The following CMC1 variants were observed in gnomAD, a reference collection of about 807,000 sequenced individuals.
CMC1 encodes the protein COX assembly mitochondrial protein homolog.
In CMC1, 14 loss-of-function variants were observed where a neutral mutation model predicts 14.1. The observed-to-expected ratio is 0.99, with a 90% CI of 0.66 to 1.55. The LOEUF is 1.55. Among genes scored for constraint, CMC1 ranks in the 40% most tolerant of loss-of-function variants. The probability of loss-of-function intolerance (pLI) is 0.00; values close to 1 mark genes in which losing one functional copy is unlikely to be tolerated. For missense variants in CMC1, 127 were observed against 123.8 expected, an observed-to-expected ratio of 1.03 and a Z score of -0.12; for synonymous variants, 50 against 38.4, an observed-to-expected ratio of 1.30 and a Z score of -1.12.
At position 28,305,795 on chromosome 3, in the gene CMC1, T is replaced by C. The variant is rs1347219035; in HGVS notation, c.110-10538T>C. Among the ~76,000 whole-genome samples the C allele has an allele frequency of 8.4e-5, 12 of 143,190 alleles. No homozygotes were observed. The South Asian group carries it at 2.5e-3, about 29-fold the overall frequency. The allele number at this position is 143,190 out of a possible 152,430, so 93.9% of individuals were successfully genotyped here. A position where few individuals can be genotyped will look rare whatever the true frequency, so the allele number is the denominator to read the frequency against. ...TTCATAGGAATTTTTTTTTTTTTTT[T>C]TTTTTTTTTTTTTTTAGTTTGAGGT... On this transcript the variant is annotated intron_variant, in intron 2 of 3. Transcript: ENST00000466830.
intron 2 of CMC1, among the ~76,000 whole-genome samples, chr3:28,309,041 C>T (rs1472234472): frequency 6.6e-6 from 1 of 151,816 alleles, no homozygotes; most frequent in Non-Finnish European, 1.5e-5. Flanking sequence ...TCTAGTGGAC[C>T]CTGATTTTAT....
Position 28,325,137 on chromosome 3 carries a change from A to G in CMC1, c.*5508A>G, listed in dbSNP as rs1231114703. Reference sequence around the variant, plus strand: ...AATGTAGGTAAAGTAAAAAAAAAAAAAAAAACAGCCAAAAAAAAAAAGTTT... The same window carrying G: ...AATGTAGGTAAAGTAAAAAAAAAAAGAAAAACAGCCAAAAAAAAAAAGTTT... On this transcript the variant is annotated 3_prime_UTR_variant, in exon 4 of 4. Coordinates refer to ENST00000466830, the MANE Select transcript of CMC1 (RefSeq NM_182523.2). 6.7e-6 allele frequency: 1 copy of G among 150,236 alleles called. No individual in the cohort carries two copies. The highest frequency in any genetic ancestry group is 1.5e-5 in the Non-Finnish European group (1 of 67,084). The allele number at this position is 150,236 out of a possible 1,614,324, so 9.3% of individuals were successfully genotyped here.
chr3:28,243,570 C>CA (rs1427226266), intron 1 of CMC1, among the ~76,000 whole-genome samples: 1 of 152,222 alleles, frequency 6.6e-6, no homozygotes, highest in Non-Finnish European at 1.5e-5. Context: ...CCCAAGGCCA[C>CA]ACAGCTAGTT....
At chr3:28,277,065 T>C (rs1393203147) in intron 2 of CMC1, among the ~76,000 whole-genome samples, 4 of 152,196 alleles carry the variant, frequency 2.6e-5, no homozygotes, top group Non-Finnish European at 5.9e-5. Flanking sequence ...TTCCACTTCC[T>C]TTTTGTGGTT....
intron 2 of CMC1, among the ~76,000 whole-genome samples, chr3:28,287,299 A>G (rs909969821): frequency 2.6e-5 from 4 of 152,082 alleles, no homozygotes; most frequent in South Asian, 2.1e-4. Context: ...TAGTAAGACT[A>G]TTTCTCTCAG....
chr3:28,259,559 A>G (rs916315905), intron 1 of CMC1, among the ~76,000 whole-genome samples: 1 of 152,134 alleles, frequency 6.6e-6, no homozygotes, highest in African/African-American at 2.4e-5. Context: ...GAATTTCACC[A>G]CTTTTTACAT....
At chr3:28,254,009 C>T (rs558351896) in intron 1 of CMC1, among the ~76,000 whole-genome samples, 2 of 152,138 alleles carry the variant, frequency 1.3e-5, no homozygotes, top group East Asian at 3.9e-4. Context: ...ACATGAGCCC[C>T]AAAGCAAAAT....
At chr3:28,259,047 G>T (rs1190169809) in intron 1 of CMC1, among the ~76,000 whole-genome samples, 1 of 152,068 alleles carries the variant, frequency 6.6e-6, no homozygotes, top group African/African-American at 2.4e-5. Flanking sequence ...TTGCTGCATA[G>T]CATCTAAATT....
chr3:28,255,592 A>G (rs1178655478), intron 1 of CMC1, among the ~76,000 whole-genome samples: 2 of 152,030 alleles, frequency 1.3e-5, no homozygotes, highest in Non-Finnish European at 2.9e-5. Flanking sequence ...AGAATGTGTA[A>G]ATAAATGATA....
Position 28,316,382 on chromosome 3 carries a change from C to A in CMC1, c.159C>A (p.Cys53Ter). 6.3e-7 allele frequency: 1 copy of A among 1,595,978 alleles called. No homozygotes were observed. Among genetic ancestry groups the A allele is most frequent in the Admixed American group, 1.8e-5 (1 of 56,382 alleles). ...CTGGAGTTCTTATGGTAGTAAAATG[C>A]CGGAAAGAAAATTCTGCATTGAAAG... ...KNSGVLMVVK[C>*]RKENSALKEC... Residue 53 changes from cysteine to a stop codon, truncating the protein, a stop_gained, in exon 3 of 4, where the codon TGC (cysteine) becomes TGA (stop). Transcript: ENST00000466830. LOFTEE classifies it high-confidence loss of function.
chr3:28,272,735 G>A (rs1185344240), intron 2 of CMC1, among the ~76,000 whole-genome samples: 1 of 151,294 alleles, frequency 6.6e-6, no homozygotes, highest in Non-Finnish European at 1.5e-5. Context: ...CCAGGCTGGA[G>A]TGTAGTGGTG....
intron 1 of CMC1, among the ~76,000 whole-genome samples, chr3:28,248,156 A>T (rs1421295752): frequency 1.3e-5 from 2 of 152,220 alleles, no homozygotes; most frequent in African/African-American, 4.8e-5. Flanking sequence ...ATGCGCCTAT[A>T]TGTAACAAAT....
intron 2 of CMC1, among the ~76,000 whole-genome samples, chr3:28,281,099 A>G (rs1700869262): frequency 6.6e-6 from 1 of 152,220 alleles, no homozygotes; most frequent in Non-Finnish European, 1.5e-5. Flanking sequence ...TAAATTCTAG[A>G]AACACAGGAA....
At chr3:28,309,993 T>A (rs62251107) in intron 2 of CMC1, among the ~76,000 whole-genome samples, 2 of 143,514 alleles carry the variant, frequency 1.4e-5, no homozygotes, top group Admixed American at 6.9e-5. Context: ...ACACACACGC[T>A]AATAGCAAAT....
chr3:28,266,506 T>G (rs1319498446), intron 2 of CMC1, among the ~76,000 whole-genome samples: 4 of 150,664 alleles, frequency 2.7e-5, no homozygotes, highest in Admixed American at 6.6e-5. Flanking sequence ...AGTATATGGT[T>G]TTTTTTTTTC....
intron 2 of CMC1, among the ~76,000 whole-genome samples, chr3:28,303,784 A>G (rs1014923142): frequency 6.6e-6 from 1 of 152,160 alleles, no homozygotes; most frequent in Non-Finnish European, 1.5e-5. Context: ...TTATTCATTT[A>G]TATACAAATG....
At chr3:28,254,355 C>T (rs899362141) in intron 1 of CMC1, among the ~76,000 whole-genome samples, 1 of 151,914 alleles carries the variant, frequency 6.6e-6, no homozygotes, top group African/African-American at 2.4e-5. Context: ...TATTTAGTGG[C>T]TGGTATGCTA....
chr3:28,262,588 C>A (rs891738070), intron 1 of CMC1, among the ~76,000 whole-genome samples: 1 of 152,074 alleles, frequency 6.6e-6, no homozygotes, highest in African/African-American at 2.4e-5. Flanking sequence ...TTCCTGGATA[C>A]TCTATAGTAA....
intron 1 of CMC1, among the ~76,000 whole-genome samples, chr3:28,246,370 T>C (rs1047539420): frequency 3.9e-5 from 6 of 152,128 alleles, no homozygotes; most frequent in Admixed American, 3.9e-4. Context: ...AAGAGGAGTA[T>C]GTGCCATGGC....
Sources: allele counts gnomAD v4.1 joint callset (sites outside exome capture counted in the v4.1 genomes callset), GRCh38; gene constraint gnomAD v4.1.1; transcripts MANE v1.5; gene names NCBI Gene and HGNC (gene_info 2026-07-23, HGNC 2026-07-21).